The following CCDC117 variants were observed in gnomAD, a reference collection of about 807,000 sequenced individuals.
CCDC117 encodes coiled-coil domain-containing protein 117.
CCDC117 carries 1 observed loss-of-function variant against 23.5 expected under a neutral mutation model. The observed-to-expected ratio is 0.04, with a 90% CI of 0.02 to 0.20. The LOEUF is 0.20. CCDC117 is among the 10% of genes least tolerant of loss of function. The probability of loss-of-function intolerance (pLI) is 1.00; values close to 1 mark genes in which losing one functional copy is unlikely to be tolerated. For synonymous variants in CCDC117, 132 were observed against 124.8 expected, an observed-to-expected ratio of 1.06 and a Z score of -0.39; for missense variants, 383 against 348.2, an observed-to-expected ratio of 1.10 and a Z score of -0.80.
intron 2 of CCDC117, among the ~76,000 whole-genome samples, chr22:28,775,952 A>C (rs952581515): frequency 6.6e-6 from 1 of 152,178 alleles, no homozygotes; most frequent in African/African-American, 2.4e-5. Flanking sequence ...ACCAAATAAA[A>C]AAGCGTTCAA....
chr22:28,775,151 C>G (rs1325611540), intron 2 of CCDC117, among the ~76,000 whole-genome samples: 2 of 152,128 alleles, frequency 1.3e-5, no homozygotes, highest in African/African-American at 2.4e-5. Context: ...ATGCCAGCTA[C>G]TCAGGAGGCT....
chr22:28,781,330 GTTTTGTTTTTT>G lies in CCDC117; in HGVS notation c.464+163_464+173del, dbSNP rs2031313893. Among the ~76,000 whole-genome samples the G allele has an allele frequency of 2.0e-3, 77 of 37,648 alleles. 3 individuals are homozygous for G. The highest frequency in any genetic ancestry group is 3.2e-3 in the Non-Finnish European group (70 of 22,054). 24.7% of individuals were successfully genotyped at this position (37,648 alleles called of 152,430 possible). On this transcript the variant is annotated intron_variant, in intron 3 of 4. Transcript: ENST00000249064. Reference sequence around the variant, plus strand: ...AAAGTGTATTCGTTTTTGTTTTTTTGTTTTGTTTTTTTTTTTTTTTTTTTTTTTTTTTTTTT... The same window carrying G: ...AAAGTGTATTCGTTTTTGTTTTTTTGTTTTTTTTTTTTTTTTTTTTTTTTT...
At chr22:28,778,687 A>G (rs1296250854) in intron 2 of CCDC117, among the ~76,000 whole-genome samples, 1 of 152,236 alleles carries the variant, frequency 6.6e-6, no homozygotes. Flanking sequence ...AAATAAATAA[A>G]AAGTTTAAAG....
intron 3 of CCDC117, 100 bp from the exon 4 acceptor site, chr22:28,783,408 C>CT (rs2031413639): frequency 8.4e-7 from 1 of 1,185,824 alleles, no homozygotes; most frequent in Non-Finnish European, 1.2e-6. Context: ...TTACTTACTG[C>CT]TTTTATCCTT....
At chr22:28,774,419 G>T (rs2031102484) in intron 2 of CCDC117, among the ~76,000 whole-genome samples, 1 of 147,466 alleles carries the variant, frequency 6.8e-6, no homozygotes, top group South Asian at 2.1e-4. Context: ...CACCCAAGCT[G>T]GAGTGCAGTT....
At position 28,781,164 on chromosome 22, in the gene CCDC117, T is replaced by C. The variant is rs1279996960; in HGVS notation, c.456T>C (p.Ile152=). The C allele has an allele frequency of 6.2e-7, 1 of 1,609,558 alleles. No individual in the cohort carries two copies. Among genetic ancestry groups the C allele is most frequent in the Non-Finnish European group, 8.5e-7 (1 of 1,176,206 alleles). The change falls in exon 3 of 5, where the codon ATT becomes ATC. Residue 152 remains isoleucine (I), a synonymous_variant. Coordinates refer to ENST00000249064, the MANE Select transcript of CCDC117 (RefSeq NM_173510.4). ...CEVARRKLQE[I]EDRIIDEDEE... The stretch of plus-strand genomic sequence containing the variant: ...TTGCCCGAAGGAAGCTTCAGGAGAT[T>C]GAGGACAGGTAAATGGGCAGTGTAT...
chr22:28,774,363 T>G (rs2031098850), intron 2 of CCDC117, among the ~76,000 whole-genome samples: 1 of 148,342 alleles, frequency 6.7e-6, no homozygotes, highest in South Asian at 2.2e-4. Context: ...CGCCCCGGCC[T>G]GAAAAGTCTT....
At chr22:28,785,146 G>A (rs192508668) in intron 4 of CCDC117, among the ~76,000 whole-genome samples, 4 of 151,948 alleles carry the variant, frequency 2.6e-5, no homozygotes, top group African/African-American at 7.2e-5. Context: ...CAGTGTGTGT[G>A]TAACATAGTC....
rs2031034372 is a variant in CCDC117 at position 28,772,997 on chromosome 22, G to A, written c.148G>A (p.Val50Ile). Residue 50 changes from valine to isoleucine, a missense_variant, in exon 1 of 5, where the codon GTC becomes ATC. Physicochemically the swap from Val to Ile is conservative, Grantham distance 29 (BLOSUM62 3). Transcript: ENST00000249064. ...GGCCCCGCGGCCGGGACCTCGCGCAGTCCCTAGCAGTCCCGCTGGGAGTGC... is the reference window on the plus strand; with the variant it reads ...GGCCCCGCGGCCGGGACCTCGCGCAATCCCTAGCAGTCCCGCTGGGAGTGC... ...ELAPRPGPRA[V>I]PSSPAGSAAR... is the part of the protein sequence containing the mutation. 2 of 1,193,732 alleles carry A rather than the reference G, an allele frequency of 1.7e-6. No individual in the cohort carries two copies. Among genetic ancestry groups the A allele is most frequent in the Non-Finnish European group, 1.0e-6 (1 of 963,276 alleles). The allele number at this position is 1,193,732 out of a possible 1,614,324, so 73.9% of individuals were successfully genotyped here. A position where few individuals can be genotyped will look rare whatever the true frequency, so the allele number is the denominator to read the frequency against.
chr22:28,776,189 G>T (rs1243373596), intron 2 of CCDC117, among the ~76,000 whole-genome samples: 1 of 152,044 alleles, frequency 6.6e-6, no homozygotes, highest in Non-Finnish European at 1.5e-5. Context: ...TGGGTGGATT[G>T]CTTGAGCCCA....
At chr22:28,779,435 C>T (rs899534024) in intron 2 of CCDC117, among the ~76,000 whole-genome samples, 1 of 151,700 alleles carries the variant, frequency 6.6e-6, no homozygotes, top group African/African-American at 2.4e-5. Flanking sequence ...CAAACTCTTG[C>T]CCTCAAGTGA....
At position 28,786,169 on chromosome 22, in the gene CCDC117, C is replaced by T. The variant is rs369892620; in HGVS notation, c.683C>T (p.Thr228Ile). The change falls in exon 5 of 5, where the codon ACT becomes ATT. Residue 228 changes from threonine (T) to isoleucine (I), a missense_variant. Physicochemically the swap from Thr to Ile is moderately conservative, Grantham distance 89. Transcript: ENST00000249064. Reference protein sequence around the residue: ...LSDKPKPSSNTKNYTGESQAK... With the variant: ...LSDKPKPSSNIKNYTGESQAK... Reference sequence around the variant, plus strand: ...GATAAGCCAAAGCCATCCTCTAATACTAAGAACTATACAGGAGAGAGCCAA... The same window carrying T: ...GATAAGCCAAAGCCATCCTCTAATATTAAGAACTATACAGGAGAGAGCCAA... 35 of 1,613,992 alleles carry T rather than the reference C, an allele frequency of 2.2e-5. No homozygotes were observed. The highest frequency in any genetic ancestry group is 6.7e-5 in the Admixed American group (4 of 59,990).
chr22:28,779,615 TGTTTAATA>T (rs1377706655), intron 2 of CCDC117, among the ~76,000 whole-genome samples: 2 of 152,230 alleles, frequency 1.3e-5, no homozygotes, highest in Non-Finnish European at 2.9e-5. Flanking sequence ...CCAAACATTT[TGTTTAATA>T]GTTGACTGCA....
At chr22:28,783,366 T>A (rs1006941939) in intron 3 of CCDC117, 142 bp from the exon 4 acceptor site, 4 of 708,970 alleles carry the variant, frequency 5.6e-6, no homozygotes, top group African/African-American at 3.6e-5. Flanking sequence ...TACTCAGGTA[T>A]AGCCTCATTT....
intron 2 of CCDC117, among the ~76,000 whole-genome samples, chr22:28,774,182 C>T (rs1231077245): frequency 1.3e-5 from 2 of 151,132 alleles, no homozygotes; most frequent in Non-Finnish European, 1.5e-5. Context: ...ATTCTCCTGC[C>T]TCAGCCTCCC....
rs1333822457 is a variant in CCDC117 at position 28,781,331 on chromosome 22, T to TTTTG, written c.464+163_464+166dup. Among the ~76,000 whole-genome samples, 360 of 37,202 alleles carry TTTTG rather than the reference T, an allele frequency of 9.7e-3. 112 individuals carry two copies. The highest frequency in any genetic ancestry group is 0.072 in the African/African-American group (345 of 4,786). 24.4% of individuals were successfully genotyped at this position (37,202 alleles called of 152,430 possible). On this transcript the variant is annotated intron_variant, in intron 3 of 4. Transcript: ENST00000249064. Reference sequence around the variant, plus strand: ...AAGTGTATTCGTTTTTGTTTTTTTGTTTTGTTTTTTTTTTTTTTTTTTTTT... The same window carrying TTTTG: ...AAGTGTATTCGTTTTTGTTTTTTTGTTTTGTTTGTTTTTTTTTTTTTTTTTTTTT...
At chr22:28,775,966 CATT>C (rs1217055562) in intron 2 of CCDC117, among the ~76,000 whole-genome samples, 2 of 152,178 alleles carry the variant, frequency 1.3e-5, no homozygotes, top group African/African-American at 2.4e-5. Context: ...CGTTCAACCT[CATT>C]AGTCTTTAGG....
intron 4 of CCDC117, 85 bp downstream of exon 4, chr22:28,783,730 AG>A: frequency 7.8e-7 from 1 of 1,288,610 alleles, no homozygotes. Context: ...TGTCCTCATT[AG>A]CTCTTTTTAT....
At position 28,783,655 on chromosome 22, in the gene CCDC117, G is replaced by C; in HGVS notation, c.602+10G>C. ...AAATGATTGAGTCTATGTAAGTTTT[G>C]GTACCTGATTTCTATTTAATTATGA... is the stretch of plus-strand genomic sequence containing the variant. On this transcript the variant is annotated intron_variant, in intron 4 of 4. Coordinates refer to ENST00000249064, the MANE Select transcript of CCDC117 (RefSeq NM_173510.4). 1 of 1,611,476 alleles carries C rather than the reference G, an allele frequency of 6.2e-7. No homozygotes were observed. Among genetic ancestry groups the C allele is most frequent in the Non-Finnish European group, 8.5e-7 (1 of 1,178,728 alleles).
Sources: allele counts gnomAD v4.1 joint callset (sites outside exome capture counted in the v4.1 genomes callset), GRCh38; gene constraint gnomAD v4.1.1; transcripts MANE v1.5; gene names NCBI Gene and HGNC (gene_info 2026-07-23, HGNC 2026-07-21).